PDE4D: variants seen among roughly 807,000 people sequenced by gnomAD.
The protein encoded by PDE4D is phosphodiesterase 4D, also known as 3',5'-cyclic-AMP phosphodiesterase 4D.
Under a neutral mutation model 87.4 loss-of-function variants are expected in PDE4D, and 24 were observed. That is an observed-to-expected ratio of 0.27 (90% confidence interval 0.20 to 0.39). The LOEUF (loss-of-function observed/expected upper bound fraction) is 0.39. Ranked by LOEUF, PDE4D falls within the 10% of genes least tolerant of loss-of-function variation. The pLI is 1.00. For missense variants in PDE4D, 714 were observed against 1,041.0 expected, an observed-to-expected ratio of 0.69 and a Z score of 4.32; for synonymous variants, 384 against 383.2, an observed-to-expected ratio of 1.00 and a Z score of -0.02.
intron 5 of PDE4D, among the ~76,000 whole-genome samples, chr5:59,058,397 T>C (rs1353311575): frequency 6.6e-6 from 1 of 152,130 alleles, no homozygotes; most frequent in Non-Finnish European, 1.5e-5. Context: ...ATTCTCCAGA[T>C]GCCTATAATG....
intron 1 of PDE4D, among the ~76,000 whole-genome samples, chr5:60,360,395 A>G (rs1346109776): frequency 6.6e-6 from 1 of 152,224 alleles, no homozygotes; most frequent in African/African-American, 2.4e-5. Context: ...CTAAAATGCA[A>G]TTGCTTTTGA....
chr5:59,927,983 G>T (rs1271631371), intron 3 of PDE4D, among the ~76,000 whole-genome samples: 1 of 152,182 alleles, frequency 6.6e-6, no homozygotes, highest in Non-Finnish European at 1.5e-5. Context: ...TGGTGTAAAA[G>T]TAAATTTTCA....
At chr5:60,242,020 A>G (rs1747185442) in intron 1 of PDE4D, among the ~76,000 whole-genome samples, 1 of 152,144 alleles carries the variant, frequency 6.6e-6, no homozygotes, top group Non-Finnish European at 1.5e-5. Flanking sequence ...ACAGGGCATA[A>G]AGAAAAAACT....
intron 1 of PDE4D, among the ~76,000 whole-genome samples, chr5:59,859,330 G>A (rs1234230908): frequency 6.6e-6 from 1 of 152,102 alleles, no homozygotes; most frequent in Non-Finnish European, 1.5e-5. Flanking sequence ...GTAAAAATAG[G>A]CAGTGTAGGT....
intron 2 of PDE4D, chr5:59,215,454 T>C (rs1262432924): frequency 1.0e-5 from 3 of 299,850 alleles, no homozygotes; most frequent in South Asian, 3.7e-5. Context: ...AAACTCAGGC[T>C]CTACATAAAT....
At chr5:59,504,902 ATG>A (rs61507201) in intron 1 of PDE4D, among the ~76,000 whole-genome samples, 8,588 of 145,654 alleles carry the variant, frequency 0.059, 268 homozygotes, top group Non-Finnish European at 0.06. Flanking sequence ...GTAGGGGTAT[ATG>A]TGTGTGTGTG....
At chr5:59,601,164 C>G (rs368769450) in intron 1 of PDE4D, among the ~76,000 whole-genome samples, 1 of 152,134 alleles carries the variant, frequency 6.6e-6, no homozygotes, top group Admixed American at 6.6e-5. Flanking sequence ...TGCAGACTAA[C>G]ACATTCGTAA....
At chr5:59,156,345 G>A (rs1332698656) in intron 5 of PDE4D, among the ~76,000 whole-genome samples, 2,393 of 93,038 alleles carry the variant, frequency 0.026, 54 homozygotes, top group Non-Finnish European at 0.043. Context: ...GTGTGTGTGT[G>A]TGTGTGTGTG....
chr5:59,406,234 G>A (rs258115), intron 1 of PDE4D, among the ~76,000 whole-genome samples: 33,467 of 151,956 alleles, frequency 0.22, 3,916 homozygotes, highest in East Asian at 0.39. Context: ...TTTGGATTTC[G>A]TCATGGTTAA....
intron 1 of PDE4D, among the ~76,000 whole-genome samples, chr5:60,424,465 T>C (rs1475904495): frequency 6.6e-6 from 1 of 152,284 alleles, no homozygotes; most frequent in Non-Finnish European, 1.5e-5. Flanking sequence ...AGAAAAGGCC[T>C]TCAACAAAAT....
intron 1 of PDE4D, among the ~76,000 whole-genome samples, chr5:59,440,707 C>T (rs1459062746): frequency 2.0e-5 from 3 of 151,972 alleles, no homozygotes; most frequent in African/African-American, 4.8e-5. Flanking sequence ...ACCTGGGAGG[C>T]GGAGGTTGTG....
At chr5:59,082,708 A>G (rs1330425552) in intron 5 of PDE4D, among the ~76,000 whole-genome samples, 1 of 152,098 alleles carries the variant, frequency 6.6e-6, no homozygotes, top group Non-Finnish European at 1.5e-5. Flanking sequence ...AGTTTCCTAC[A>G]TGGGAAGAGT....
chr5:59,903,241 G>T (rs1488082489), intron 3 of PDE4D, among the ~76,000 whole-genome samples: 1 of 152,090 alleles, frequency 6.6e-6, no homozygotes, highest in Non-Finnish European at 1.5e-5. Flanking sequence ...ATCACAGCAG[G>T]AATTAGTAAT....
At chr5:59,154,615 G>A (rs764381561) in intron 5 of PDE4D, among the ~76,000 whole-genome samples, 3 of 152,142 alleles carry the variant, frequency 2.0e-5, no homozygotes, top group Non-Finnish European at 1.5e-5. Flanking sequence ...GGCCGAGCAT[G>A]GTGGCTCACA....
chr5:59,823,542 C>T (rs1769957458), intron 1 of PDE4D, among the ~76,000 whole-genome samples: 3 of 152,134 alleles, frequency 2.0e-5, no homozygotes, highest in Admixed American at 6.6e-5. Context: ...CTCTGGAACC[C>T]TTGTCTGCGA....
intron 1 of PDE4D, among the ~76,000 whole-genome samples, chr5:59,583,011 C>T (rs1824453323): frequency 6.6e-6 from 1 of 152,176 alleles, no homozygotes; most frequent in African/African-American, 2.4e-5. Context: ...CCTTTAGCTT[C>T]TATCTTCCAC....
At chr5:59,328,690 T>C (rs1342916091) in intron 1 of PDE4D, among the ~76,000 whole-genome samples, 1 of 152,156 alleles carries the variant, frequency 6.6e-6, no homozygotes, top group Non-Finnish European at 1.5e-5. Flanking sequence ...ACTGAAATAA[T>C]GACTAAAAAC....
At chr5:60,437,717 T>C (rs1744869521) in intron 1 of PDE4D, among the ~76,000 whole-genome samples, 1 of 152,158 alleles carries the variant, frequency 6.6e-6, no homozygotes, top group African/African-American at 2.4e-5. Context: ...CTTTAGATCT[T>C]TGAATCCATT....
intron 1 of PDE4D, among the ~76,000 whole-genome samples, chr5:60,250,271 A>G (rs1000758118): frequency 4.6e-5 from 7 of 151,982 alleles, no homozygotes; most frequent in African/African-American, 7.2e-5. Context: ...TTCATTGCAC[A>G]TAAAAGCATG....
Sources: gnomAD v4.1 joint callset for allele counts (sites outside exome capture counted in the v4.1 genomes callset) on GRCh38, gnomAD v4.1.1 for gene constraint, MANE v1.5 for transcripts, NCBI Gene and HGNC (gene_info 2026-07-23, HGNC 2026-07-21) for gene names.